PRRG1: variants seen among roughly 807,000 people sequenced by gnomAD.
PRRG1 encodes the protein proline rich and Gla domain 1, also known as transmembrane gamma-carboxyglutamic acid protein 1.
PRRG1 carries 5 observed loss-of-function variants against 11.8 expected under a neutral mutation model. The observed-to-expected ratio is 0.42, with a 90% confidence interval of 0.22 to 0.89. The LOEUF is 0.89. PRRG1 is among the 40% of genes least tolerant of loss of function. PRRG1 has a pLI of 0.28. For synonymous variants in PRRG1, 66 were observed against 60.4 expected (o/e 1.09, Z -0.43); for missense variants, 155 against 166.1 (o/e 0.93, Z 0.37).
intron 2 of PRRG1, among the ~76,000 whole-genome samples, chrX:37,418,388 C>T (rs1485179667): frequency 9.0e-6 from 1 of 111,727 alleles, no homozygotes; most frequent in Non-Finnish European, 1.9e-5. Context: ...TACAATTAAG[C>T]TGGATTACTA....
chrX:37,377,129 T>G (rs782565771), intron 1 of PRRG1, among the ~76,000 whole-genome samples: 17 of 111,965 alleles, frequency 1.5e-4, no homozygotes, highest in Admixed American at 3.8e-4. Context: ...GCATTCATGT[T>G]GATACACAGC....
Position 37,457,100 on chromosome X carries a change from C to G in PRRG1, c.*3479C>G. On this transcript the variant is annotated 3_prime_UTR_variant, in exon 4 of 4. Transcript: ENST00000378628. ...ATGACTTCAAGATTGATGATGTGAT[C>G]CAATAACTGTGGAGGTAGCTTTAAC... The G allele has an allele frequency of 8.9e-6, 1 of 112,344 alleles. No individual in the cohort carries two copies. The highest frequency in any genetic ancestry group is 1.9e-5 in the Non-Finnish European group (1 of 53,227). 9.3% of individuals were successfully genotyped at this position (112,344 alleles called of 1,213,427 possible).
chrX:37,352,925 A>C lies in PRRG1; in HGVS notation c.-42+3530A>C, dbSNP rs2146915087. Among the ~76,000 whole-genome samples the C allele has an allele frequency of 2.7e-5, 3 of 112,154 alleles. 1 individual carries two copies. In the South Asian group the frequency reaches 1.1e-3, roughly 41 times the overall value. ...TGTAGCCTTTGTAATGTCACAGTGCAATGCATTACAGTATATAACACTTGA... is the reference window on the plus strand; with the variant it reads ...TGTAGCCTTTGTAATGTCACAGTGCCATGCATTACAGTATATAACACTTGA... On this transcript the variant is annotated intron_variant, in intron 1 of 3. Transcript: ENST00000378628.
In PRRG1 at chrX:37,453,341, T is replaced by C. The variant is rs143344554; in HGVS notation, c.377T>C (p.Leu126Pro). The C allele has an allele frequency of 9.9e-5, 120 of 1,207,523 alleles. No homozygotes were observed. In the African/African-American group the frequency reaches 1.9e-3, roughly 19 times the overall value. ...GGCCACATTCCTTTCCCTCAGCACCTTAATATTATCACCCCACCCCCCCCA... is the reference window on the plus strand; with the variant it reads ...GGCCACATTCCTTTCCCTCAGCACCCTAATATTATCACCCCACCCCCCCCA... ...TEGHIPFPQH[L>P]NIITPPPPPD... The change falls in exon 4 of 4, where the codon CTT becomes CCT. Residue 126 changes from leucine (L) to proline (P), a missense_variant. By Grantham distance (98) the Leu-to-Pro change is moderately conservative. Coordinates refer to ENST00000378628, the MANE Select transcript of PRRG1 (RefSeq NM_001142395.2).
intron 1 of PRRG1, among the ~76,000 whole-genome samples, chrX:37,356,205 G>A (rs1220899642): frequency 2.7e-5 from 3 of 111,825 alleles, no homozygotes; most frequent in African/African-American, 9.7e-5. Context: ...TATATGTTAA[G>A]TGACATGGTG....
chrX:37,380,618 C>T (rs1004281447), intron 1 of PRRG1, among the ~76,000 whole-genome samples: 1 of 110,921 alleles, frequency 9.0e-6, no homozygotes, highest in Non-Finnish European at 1.9e-5. Flanking sequence ...AATCTTCAGA[C>T]AGAACTCCCT....
intron 1 of PRRG1, among the ~76,000 whole-genome samples, chrX:37,384,503 A>G (rs1337468734): frequency 9.0e-6 from 1 of 111,686 alleles, no homozygotes; most frequent in East Asian, 2.8e-4. Context: ...GCACGTAACT[A>G]TATTCCTACT....
intron 2 of PRRG1, among the ~76,000 whole-genome samples, chrX:37,416,128 A>G (rs911427689): frequency 2.5e-4 from 28 of 112,292 alleles, no homozygotes; most frequent in African/African-American, 8.7e-4. Context: ...AAACTCCTCA[A>G]TGAAACTCCA....
chrX:37,413,203 A>G (rs991741012), intron 2 of PRRG1, among the ~76,000 whole-genome samples: 1 of 110,728 alleles, frequency 9.0e-6, no homozygotes, highest in African/African-American at 3.3e-5. Context: ...TGTATATTCT[A>G]TGAGTTTGGG....
intron 1 of PRRG1, among the ~76,000 whole-genome samples, chrX:37,358,493 A>G (rs5918411): frequency 0.15 from 16,416 of 110,379 alleles, 1,010 homozygotes; most frequent in African/African-American, 0.23. Flanking sequence ...TGAAAAGTCT[A>G]TCTTCATTGT....
At chrX:37,368,884 T>C (rs192075681) in intron 1 of PRRG1, among the ~76,000 whole-genome samples, 1 of 111,377 alleles carries the variant, frequency 9.0e-6, no homozygotes, top group African/African-American at 3.3e-5. Flanking sequence ...ATAGCTTTCA[T>C]AGTCCACTTA....
At chrX:37,427,358 A>C (rs1932786067) in intron 3 of PRRG1, among the ~76,000 whole-genome samples, 1 of 112,042 alleles carries the variant, frequency 8.9e-6, no homozygotes, top group African/African-American at 3.2e-5. Context: ...GGATAGGTAT[A>C]CACCTATGAA....
intron 3 of PRRG1, among the ~76,000 whole-genome samples, chrX:37,449,819 A>G (rs1444400167): frequency 8.9e-6 from 1 of 112,688 alleles, no homozygotes; most frequent in Non-Finnish European, 1.9e-5. Flanking sequence ...ATCCTTCTAA[A>G]GCACTGCTCT....
chrX:37,400,271 T>C (rs1357782125), intron 1 of PRRG1, among the ~76,000 whole-genome samples: 23 of 111,637 alleles, frequency 2.1e-4, no homozygotes, highest in Non-Finnish European at 4.1e-4. Flanking sequence ...ACAGAAATTA[T>C]AACAAACTGT....
chrX:37,419,220 A>T (rs1432667904), intron 2 of PRRG1, among the ~76,000 whole-genome samples: 1 of 112,411 alleles, frequency 8.9e-6, no homozygotes, highest in African/African-American at 3.2e-5. Context: ...TCTGTCATGT[A>T]TGTAACTTTT....
At chrX:37,400,409 A>C (rs1159252404) in intron 1 of PRRG1, among the ~76,000 whole-genome samples, 1 of 111,648 alleles carries the variant, frequency 9.0e-6, no homozygotes, top group Non-Finnish European at 1.9e-5. Context: ...ATGAAGGCAG[A>C]AATAAAGATG....
chrX:37,351,152 C>T (rs1287789060), intron 1 of PRRG1, among the ~76,000 whole-genome samples: 1 of 111,445 alleles, frequency 9.0e-6, no homozygotes, highest in Non-Finnish European at 1.9e-5. Context: ...GTGATAAGCA[C>T]CTAATAAACT....
intron 3 of PRRG1, among the ~76,000 whole-genome samples, chrX:37,444,880 T>C (rs1406524243): frequency 9.0e-6 from 1 of 111,180 alleles, no homozygotes; most frequent in Admixed American, 9.6e-5. Flanking sequence ...CAATTCTATC[T>C]CAACCAGCTT....
intron 3 of PRRG1, among the ~76,000 whole-genome samples, chrX:37,438,781 G>T (rs978038802): frequency 1.8e-5 from 2 of 111,284 alleles, no homozygotes; most frequent in African/African-American, 6.5e-5. Flanking sequence ...TCTTCAATTC[G>T]TGCTATGTTA....
Sources: allele counts gnomAD v4.1 joint callset (sites outside exome capture counted in the v4.1 genomes callset), GRCh38; gene constraint gnomAD v4.1.1; transcripts MANE v1.5; gene names NCBI Gene and HGNC (gene_info 2026-07-23, HGNC 2026-07-21).